Variants in CRTAP observed in about 807,000 individuals in gnomAD.
CRTAP encodes cartilage associated protein.
A neutral mutation model predicts 42.7 loss-of-function variants in CRTAP; 33 were observed. The ratio of observed to expected loss-of-function variants is 0.77; its 90% CI spans 0.59 to 1.03. The LOEUF (loss-of-function observed/expected upper bound fraction) is 1.03, where lower values mean the gene tolerates loss of function less well. CRTAP is among the 50% of genes least tolerant of loss of function. The pLI, the probability that CRTAP is intolerant of heterozygous loss-of-function variation, is 0.00. For missense variants in CRTAP, 613 were observed against 533.9 expected (o/e 1.15, Z -1.46); for synonymous variants, 243 against 217.7 (o/e 1.12, Z -1.02).
Position 33,142,447 on chromosome 3 carries a change from A to G in CRTAP, c.1205A>G (p.Ter402TrpextTer53). The G allele has an allele frequency of 6.2e-7, 1 of 1,614,094 alleles. No homozygotes were observed. Among genetic ancestry groups the G allele is most frequent in the South Asian group, 1.1e-5 (1 of 91,086 alleles). ...DDLLELEETS* is the reference protein window; with the variant it reads ...DDLLELEETSW Reference sequence around the variant, plus strand: ...CTCTTGGAACTGGAGGAGACCAGCTAGCCCACAGCAACCAAAGAGACTTCC... The same window carrying G: ...CTCTTGGAACTGGAGGAGACCAGCTGGCCCACAGCAACCAAAGAGACTTCC... Residue 402 changes from the stop codon to tryptophan, a stop_lost, in exon 7 of 7, where the codon TAG becomes TGG. Transcript: ENST00000320954.
chr3:33,142,472 C>T lies in CRTAP; in HGVS notation c.*24C>T, dbSNP rs1308690090. On this transcript the variant is annotated 3_prime_UTR_variant, in exon 7 of 7. Coordinates refer to ENST00000320954, the MANE Select transcript of CRTAP (RefSeq NM_006371.5). ...AGCCCACAGCAACCAAAGAGACTTC[C>T]TCTTGGCGTTCAGGAAACACAGATT... 2 of 1,611,472 alleles carry T rather than the reference C, an allele frequency of 1.2e-6. No homozygotes were observed. The highest frequency in any genetic ancestry group is 2.2e-5 in the East Asian group (1 of 44,878).
At chr3:33,122,678 C>G (rs1369913604) in intron 2 of CRTAP, among the ~76,000 whole-genome samples, 1 of 136,476 alleles carries the variant, frequency 7.3e-6, no homozygotes, top group Non-Finnish European at 1.5e-5. Flanking sequence ...CCACTGCATT[C>G]GAGCCTGGGC....
At chr3:33,129,020 A>G (rs1161634444) in intron 3 of CRTAP, among the ~76,000 whole-genome samples, 1 of 152,136 alleles carries the variant, frequency 6.6e-6, no homozygotes, top group Non-Finnish European at 1.5e-5. Flanking sequence ...GGCTGTGTAG[A>G]TTCTGTTATT....
intron 6 of CRTAP, among the ~76,000 whole-genome samples, chr3:33,141,672 GA>G (rs2030575537): frequency 6.6e-6 from 1 of 152,212 alleles, no homozygotes; most frequent in African/African-American, 2.4e-5. Flanking sequence ...ATTCTCTGCA[GA>G]AAAGAGAATG....
At chr3:33,141,588 G>A (rs1048068399) in intron 6 of CRTAP, among the ~76,000 whole-genome samples, 24 of 152,192 alleles carry the variant, frequency 1.6e-4, no homozygotes, top group African/African-American at 5.1e-4. Flanking sequence ...GAAGGAGGTC[G>A]AGTTTTAGCA....
chr3:33,118,510 G>T (rs1456891569), intron 1 of CRTAP, among the ~76,000 whole-genome samples: 2 of 152,200 alleles, frequency 1.3e-5, no homozygotes, highest in South Asian at 4.1e-4. Flanking sequence ...CCACTTCTCT[G>T]ATGTGGCCAC....
At chr3:33,114,639 GC>G in intron 1 of CRTAP, 91 bp downstream of exon 1, 6 of 1,267,540 alleles carry the variant, frequency 4.7e-6, no homozygotes, top group Non-Finnish European at 6.6e-6. Flanking sequence ...GGGCCGCGTT[GC>G]CCCTCCAGTT....
intron 1 of CRTAP, among the ~76,000 whole-genome samples, chr3:33,119,177 G>T (rs1423471521): frequency 6.6e-6 from 1 of 152,110 alleles, no homozygotes; most frequent in African/African-American, 2.4e-5. Context: ...GAAGACAGAG[G>T]GGAAAAGAGA....
chr3:33,129,617 A>G (rs1204098751), intron 3 of CRTAP, among the ~76,000 whole-genome samples: 2 of 140,468 alleles, frequency 1.4e-5, no homozygotes, highest in Non-Finnish European at 3.0e-5. Context: ...GGCTCACTGC[A>G]AGCTCCACCT....
chr3:33,124,499 A>C lies in CRTAP; in HGVS notation c.713A>C (p.Lys238Thr). ...DMELALPDFFKAFYECLAACE... is the reference protein window; with the variant it reads ...DMELALPDFFTAFYECLAACE... ...GAGCTGGCCCTTCCCGACTTCTTCA[A>C]AGCCTTTTACGAGTGTCTCGCAGCC... Residue 238 changes from lysine to threonine, a missense_variant, in exon 3 of 7, where the codon AAA becomes ACA. Transcript: ENST00000320954. 6.2e-7 allele frequency: 1 copy of C among 1,614,228 alleles called. No homozygotes were observed. Among genetic ancestry groups the C allele is most frequent in the Non-Finnish European group, 8.5e-7 (1 of 1,180,040 alleles).
Position 33,114,718 on chromosome 3 carries a change from T to C in CRTAP, c.471+170T>C, listed in dbSNP as rs376527363. Among the ~76,000 whole-genome samples the C allele has an allele frequency of 8.5e-5, 13 of 152,322 alleles. No individual in the cohort carries two copies. In the East Asian group the frequency reaches 1.9e-3, roughly 23 times the overall value. On this transcript the variant is annotated intron_variant, in intron 1 of 6. Transcript: ENST00000320954. ...TCCAAGTCCTGTCTCCTTCTTCATC[T>C]CAACTAGAGATGAAAATGCCTTTCT...
Position 33,114,298 on chromosome 3 carries a change from A to T in CRTAP, c.221A>T (p.His74Leu), listed in dbSNP as rs767924679. 2 of 1,563,898 alleles carry T rather than the reference A, an allele frequency of 1.3e-6. No homozygotes were observed. Among genetic ancestry groups the T allele is most frequent in the South Asian group, 2.3e-5 (2 of 86,090 alleles). ...TACCTGGAGATCAGCCTGCGGCTGC[A>T]CCGCTTGCTGCGCGACAGCGAGGCC... is the stretch of plus-strand genomic sequence containing the variant. ...VGYLEISLRL[H>L]RLLRDSEAFC... Residue 74 changes from histidine (H) to leucine (L), a missense_variant, in exon 1 of 7, where the codon CAC (histidine) becomes CTC (leucine). His to Leu is a moderately conservative substitution (Grantham distance 99). Coordinates refer to ENST00000320954, the MANE Select transcript of CRTAP (RefSeq NM_006371.5).
Position 33,142,650 on chromosome 3 carries a change from CCTAT to C in CRTAP, c.*205_*208del, listed in dbSNP as rs543948689. On this transcript the variant is annotated 3_prime_UTR_variant, in exon 7 of 7. Transcript: ENST00000320954. ...TCACACCTGCCACCTCATGTTCACA[CCTAT>C]CTTTCTCACCTTTTTTTTGAGATGG... 1.9e-5 allele frequency: 11 copies of C among 569,690 alleles called. No individual in the cohort carries two copies. The highest frequency in any genetic ancestry group is 3.1e-5 in the Non-Finnish European group (10 of 318,232). 35.3% of individuals were successfully genotyped at this position (569,690 alleles called of 1,614,324 possible).
At chr3:33,142,287 A>C (rs536156234) in intron 6 of CRTAP, 108 bp from the exon 7 acceptor site, 1 of 1,083,742 alleles carries the variant, frequency 9.2e-7, no homozygotes, top group Non-Finnish European at 1.4e-6. Flanking sequence ...AACCTGTTTC[A>C]GCCAAAGCAG....
At chr3:33,118,024 G>A (rs1005545753) in intron 1 of CRTAP, among the ~76,000 whole-genome samples, 1 of 150,918 alleles carries the variant, frequency 6.6e-6, no homozygotes, top group Non-Finnish European at 1.5e-5. Flanking sequence ...GCAGTGGTGC[G>A]ATCCTGGCTC....
chr3:33,122,783 T>C (rs1012234662), intron 2 of CRTAP, among the ~76,000 whole-genome samples: 1 of 151,118 alleles, frequency 6.6e-6, no homozygotes, highest in Non-Finnish European at 1.5e-5. Context: ...TGGTGAAAAT[T>C]CTAGGTCTAA....
intron 2 of CRTAP, 34 bp downstream of exon 2, chr3:33,120,527 A>T: frequency 6.4e-7 from 1 of 1,572,898 alleles, no homozygotes; most frequent in Non-Finnish European, 8.6e-7. Flanking sequence ...AGTTAGTGGC[A>T]ACCTGGACTG....
At position 33,131,607 on chromosome 3, in the gene CRTAP, G is replaced by A. The variant is rs549996525; in HGVS notation, c.923-948G>A. 3.0e-4 allele frequency among the ~76,000 whole-genome samples: 45 copies of A among 152,154 alleles called. No individual in the cohort carries two copies. The South Asian group carries it at 9.1e-3, about 31-fold the overall frequency. ...GCTGCTTCCCAGGAAATCTGCTTTC[G>A]GGGATCAACAGTATGAATGAAGTGT... On this transcript the variant is annotated intron_variant, in intron 4 of 6. Transcript: ENST00000320954.
intron 2 of CRTAP, 71 bp downstream of exon 2, chr3:33,120,564 C>T (rs2029869216): frequency 1.3e-6 from 2 of 1,551,268 alleles, no homozygotes; most frequent in Non-Finnish European, 1.7e-6. Flanking sequence ...CCATAAGCAG[C>T]TGCTGATAGC....
Sources: gnomAD v4.1 joint callset for allele counts (sites outside exome capture counted in the v4.1 genomes callset) on GRCh38, gnomAD v4.1.1 for gene constraint, MANE v1.5 for transcripts, NCBI Gene and HGNC (gene_info 2026-07-23, HGNC 2026-07-21) for gene names.